PIEZO2: variants seen among roughly 807,000 people sequenced by gnomAD.
PIEZO2 encodes the protein piezo-type mechanosensitive ion channel component 2.
PIEZO2 carries 172 observed loss-of-function variants against 337.3 expected under a neutral mutation model. The ratio of observed to expected loss-of-function variants is 0.51; its 90% CI spans 0.45 to 0.58. The LOEUF is 0.58. Among genes scored for constraint, PIEZO2 ranks in the 20% least tolerant of loss-of-function variants. The probability of loss-of-function intolerance (pLI) is 0.00; values close to 1 mark genes in which losing one functional copy is unlikely to be tolerated. For synonymous variants in PIEZO2, 1,251 were observed against 1,228.5 expected (o/e 1.02, Z -0.38); for missense variants, 3,028 against 3,391.3 (o/e 0.89, Z 2.66).
At chr18:10,706,755 C>T (rs1291358520) in intron 40 of PIEZO2, among the ~76,000 whole-genome samples, 1 of 152,190 alleles carries the variant, frequency 6.6e-6, no homozygotes, top group Admixed American at 6.5e-5. Flanking sequence ...ACCTCAGACA[C>T]ATCCAGCCAC....
At chr18:10,691,166 AT>A in intron 48 of PIEZO2, 58 bp downstream of exon 48, 3 of 1,547,434 alleles carry the variant, frequency 1.9e-6, no homozygotes, top group Non-Finnish European at 2.6e-6. Flanking sequence ...GGGAATCAAA[AT>A]GCCTTTCCAC....
intron 2 of PIEZO2, among the ~76,000 whole-genome samples, chr18:11,063,914 GCAC>G (rs1274750766): frequency 6.6e-6 from 1 of 152,078 alleles, no homozygotes; most frequent in East Asian, 1.9e-4. Flanking sequence ...ACAGGACCTT[GCAC>G]CACAAGTAAT....
chr18:11,060,206 C>T (rs961791262), intron 2 of PIEZO2, among the ~76,000 whole-genome samples: 1 of 151,922 alleles, frequency 6.6e-6, no homozygotes, highest in African/African-American at 2.4e-5. Flanking sequence ...TCTTTGAAAC[C>T]AACGAGAACA....
chr18:10,722,957 ATTTTTTTTTTTTTT>A (rs36042609), intron 36 of PIEZO2, among the ~76,000 whole-genome samples: 1 of 84,312 alleles, frequency 1.2e-5, no homozygotes, highest in Non-Finnish European at 2.2e-5. Context: ...GGATGCAGTG[ATTTTTTTTTTTTTT>A]TTTTTTTTTT....
chr18:11,046,512 T>C (rs1046035824), intron 2 of PIEZO2, among the ~76,000 whole-genome samples: 15 of 152,218 alleles, frequency 9.9e-5, no homozygotes, highest in African/African-American at 3.4e-4. Flanking sequence ...CCTCACCTAC[T>C]ACACAGTCAG....
At position 10,821,288 on chromosome 18, in the gene PIEZO2, A is replaced by G. The variant is rs187354837; in HGVS notation, c.918-14014T>C. ...GTTTCCCTTCTCTCAGCCATCATAA[A>G]CCCACACTTCCAATAGCTCAGCATC... On this transcript the variant is annotated intron_variant, in intron 7 of 55. Transcript: ENST00000674853. The surrounding 1 kb of genome is among the most constrained non-coding windows in gnomAD (Gnocchi z 4.2). 1.3e-5 allele frequency among the ~76,000 whole-genome samples: 2 copies of G among 152,206 alleles called. No homozygotes were observed. Among genetic ancestry groups the G allele is most frequent in the African/African-American group, 4.8e-5 (2 of 41,528 alleles).
chr18:10,866,466 T>C (rs943421525), intron 5 of PIEZO2, among the ~76,000 whole-genome samples: 20 of 152,112 alleles, frequency 1.3e-4, no homozygotes, highest in African/African-American at 4.8e-4. Flanking sequence ...TTTGTATTTT[T>C]AGTAGAGACA....
intron 1 of PIEZO2, among the ~76,000 whole-genome samples, chr18:11,107,042 C>G (rs960281170): frequency 1.3e-5 from 2 of 152,152 alleles, no homozygotes; most frequent in Non-Finnish European, 2.9e-5. Context: ...GTTGACCCCC[C>G]CAGTGCACTT....
chr18:10,970,329 G>C (rs1364337864), intron 3 of PIEZO2, among the ~76,000 whole-genome samples: 1 of 152,218 alleles, frequency 6.6e-6, no homozygotes, highest in Non-Finnish European at 1.5e-5. Context: ...TGAGAACCAT[G>C]GGGTAGGGAG....
Position 11,143,625 on chromosome 18 carries a change from A to ACTCTCTCT in PIEZO2, c.64+4899_64+4900insAGAGAGAG, listed in dbSNP as rs1568412608. Among the ~76,000 whole-genome samples, 73 of 140,926 alleles carry ACTCTCTCT rather than the reference A, an allele frequency of 5.2e-4. No individual in the cohort carries two copies. Among genetic ancestry groups the ACTCTCTCT allele is most frequent in the African/African-American group, 1.8e-3 (63 of 35,794 alleles). 92.5% of individuals were successfully genotyped at this position (140,926 alleles called of 152,430 possible). On this transcript the variant is annotated intron_variant, in intron 1 of 55. Transcript: ENST00000674853. This position sits in a 1 kb window ranked among gnomAD's most constrained non-coding sequence, Gnocchi z 4.9. ...AACACACACACACACACACACACAC[A>ACTCTCTCT]CACACACACACACACTCTCTCTCTC...
intron 39 of PIEZO2, among the ~76,000 whole-genome samples, chr18:10,711,607 T>G (rs1034909407): frequency 9.0e-6 from 1 of 111,500 alleles, no homozygotes; most frequent in African/African-American, 3.0e-5. Flanking sequence ...ACTTGGGGAT[T>G]CAGGTAACAA....
At chr18:10,909,444 T>C (rs1236401608) in intron 4 of PIEZO2, among the ~76,000 whole-genome samples, 1 of 152,124 alleles carries the variant, frequency 6.6e-6, no homozygotes, top group Non-Finnish European at 1.5e-5. Context: ...ACAAATGACA[T>C]TTTTGAGATG....
intron 2 of PIEZO2, among the ~76,000 whole-genome samples, chr18:11,063,470 T>C (rs1448294348): frequency 6.6e-6 from 1 of 152,034 alleles, no homozygotes; most frequent in African/African-American, 2.4e-5. Context: ...ACATCAAAGG[T>C]CCACCTTCTA....
In PIEZO2 at chr18:11,048,508, C is replaced by T. The variant is rs1039379979; in HGVS notation, c.160+17619G>A. ...CAGCTTAAAGCACAGTAATTGTCTA[C>T]TTACATGTTGGAAGGCAAGTGCCCA... On this transcript the variant is annotated intron_variant, in intron 2 of 55. Transcript: ENST00000674853. The surrounding 1 kb of genome is among the most constrained non-coding windows in gnomAD (Gnocchi z 4.5). Among the ~76,000 whole-genome samples the T allele has an allele frequency of 2.0e-5, 3 of 152,244 alleles. No individual in the cohort carries two copies. Among genetic ancestry groups the T allele is most frequent in the South Asian group, 2.1e-4 (1 of 4,834 alleles).
intron 42 of PIEZO2, 24 bp from the exon 43 acceptor site, chr18:10,702,195 TA>T: frequency 6.6e-7 from 1 of 1,526,464 alleles, no homozygotes; most frequent in Non-Finnish European, 8.8e-7. Flanking sequence ...ACAGAAATTT[TA>T]AAACATTACT....
At chr18:11,012,515 G>A (rs2035940591) in intron 2 of PIEZO2, among the ~76,000 whole-genome samples, 1 of 152,076 alleles carries the variant, frequency 6.6e-6, no homozygotes, top group South Asian at 2.1e-4. Flanking sequence ...ACACCTCTTT[G>A]GACAATTTAA....
intron 12 of PIEZO2, among the ~76,000 whole-genome samples, chr18:10,796,206 TAAAAAA>T (rs1189132432): frequency 7.0e-6 from 1 of 142,116 alleles, no homozygotes; most frequent in Admixed American, 7.0e-5. Flanking sequence ...CTACTAAAAA[TAAAAAA>T]AAAAAAAATT....
intron 31 of PIEZO2, 60 bp downstream of exon 31, chr18:10,744,082 G>T: frequency 8.1e-7 from 1 of 1,234,190 alleles, no homozygotes. Context: ...TGGAGCACCA[G>T]CTGAATGTGG....
Position 11,148,658 on chromosome 18 carries a change from C to G in PIEZO2, c.-70G>C, listed in dbSNP as rs1176196519. Reference sequence around the variant, plus strand: ...TCCCTAGGGGTGGTGGGACGCAAGGCCCATGCCCGTCTATGGCCTCTCGCC... The same window carrying G: ...TCCCTAGGGGTGGTGGGACGCAAGGGCCATGCCCGTCTATGGCCTCTCGCC... On this transcript the variant is annotated 5_prime_UTR_variant, in exon 1 of 56. Transcript: ENST00000674853. The surrounding 1 kb of genome is among the most constrained non-coding windows in gnomAD (Gnocchi z 5.2). 43 of 1,491,106 alleles carry G rather than the reference C, an allele frequency of 2.9e-5. No individual in the cohort carries two copies. Among genetic ancestry groups the G allele is most frequent in the Non-Finnish European group, 3.9e-5 (43 of 1,107,132 alleles). The allele number at this position is 1,491,106 out of a possible 1,614,324, so 92.4% of individuals were successfully genotyped here.
Sources: allele counts gnomAD v4.1 joint callset (sites outside exome capture counted in the v4.1 genomes callset), GRCh38; gene constraint gnomAD v4.1.1; non-coding constraint Gnocchi (gnomAD v3.1); transcripts MANE v1.5; gene names NCBI Gene and HGNC (gene_info 2026-07-23, HGNC 2026-07-21).